The following TYK2 variants were observed in gnomAD, a reference collection of about 807,000 sequenced individuals.
TYK2 encodes tyrosine kinase 2, also known as non-receptor tyrosine-protein kinase TYK2.
Under a neutral mutation model 130.9 loss-of-function variants are expected in TYK2, and 65 were observed. The observed-to-expected ratio is 0.50, with a 90% CI of 0.41 to 0.61. The LOEUF is 0.61. Among genes scored for constraint, TYK2 ranks in the 20% least tolerant of loss-of-function variants. TYK2 has a pLI of 0.00. For missense variants in TYK2, 1,378 were observed against 1,610.7 expected, an observed-to-expected ratio of 0.86 and a Z score of 2.47; for synonymous variants, 647 against 658.9, an observed-to-expected ratio of 0.98 and a Z score of 0.28.
In TYK2 at chr19:10,378,112, G is replaced by A. The variant is rs144937401; in HGVS notation, c.193+102C>T. The A allele has an allele frequency of 1.2e-3, 1,359 of 1,171,512 alleles. 5 individuals carry two copies. Among genetic ancestry groups the A allele is most frequent in the South Asian group, 1.9e-3 (144 of 75,620 alleles). The allele number at this position is 1,171,512 out of a possible 1,614,324, so 72.6% of individuals were successfully genotyped here. ...TGGATGGATGGATGAGTGGGTGGATGGGTGGGTGGATGGGTGGGTGGGTGG... is the reference window on the plus strand; with the variant it reads ...TGGATGGATGGATGAGTGGGTGGATAGGTGGGTGGATGGGTGGGTGGGTGG... On this transcript the variant is annotated intron_variant, in intron 3 of 24. Transcript: ENST00000525621.
intron 6 of TYK2, 55 bp from the exon 7 acceptor site, chr19:10,365,953 G>A: frequency 6.6e-7 from 1 of 1,525,036 alleles, no homozygotes; most frequent in South Asian, 1.3e-5. Context: ...AGGCCCAGCT[G>A]GGTGACACAG....
At position 10,362,541 on chromosome 19, in the gene TYK2, G is replaced by A. The variant is rs764911587; in HGVS notation, c.1476+8C>T. 30 of 1,555,000 alleles carry A rather than the reference G, an allele frequency of 1.9e-5. No homozygotes were observed. Among genetic ancestry groups the A allele is most frequent in the Non-Finnish European group, 2.6e-5 (30 of 1,148,994 alleles). ...AGCCCCAGCCCCAGCCCCCAGCCCT[G>A]GGCTCACCTGGCTACGCTGGGCCAC... On this transcript the variant is annotated splice_region_variant and intron_variant, in intron 10 of 24. Coordinates refer to ENST00000525621, the MANE Select transcript of TYK2 (RefSeq NM_003331.5).
Position 10,351,798 on chromosome 19 carries a change from G to A in TYK2, c.3318+636C>T, listed in dbSNP as rs546575340. 1.2e-3 allele frequency among the ~76,000 whole-genome samples: 187 copies of A among 152,162 alleles called. 2 individuals are homozygous for A. Among genetic ancestry groups the A allele is most frequent in the African/African-American group, 4.4e-3 (184 of 41,542 alleles). On this transcript the variant is annotated intron_variant, in intron 23 of 24. Coordinates refer to ENST00000525621, the MANE Select transcript of TYK2 (RefSeq NM_003331.5). The stretch of plus-strand genomic sequence containing the variant: ...CTTTCACCCAGGCTGGAGTGCAGTG[G>A]CATGATCTCGGCTCACTGCAACCTT...
In TYK2 at chr19:10,351,109, G is replaced by C. The variant is rs775416974; in HGVS notation, c.3372C>G (p.Leu1124=). Residue 1124 remains leucine, a synonymous_variant, in exon 24 of 25, where the codon CTC becomes CTG. Transcript: ENST00000525621. ...IAQGQMTVLR[L]TELLERGERL... The stretch of plus-strand genomic sequence containing the variant: ...TCTCCCCTCGTTCCAGCAACTCAGT[G>C]AGTCTCAGAACTGTCATCTGACCCT... 20 of 1,614,126 alleles carry C rather than the reference G, an allele frequency of 1.2e-5. No homozygotes were observed. The South Asian group carries it at 2.0e-4, about 16-fold the overall frequency.
chr19:10,362,902 C>T (rs1223722334), intron 9 of TYK2, among the ~76,000 whole-genome samples: 5 of 152,094 alleles, frequency 3.3e-5, no homozygotes, highest in Admixed American at 1.3e-4. Flanking sequence ...GATTTTCCCT[C>T]GTCACCCAGG....
rs1414455472 is a variant in TYK2 at position 10,361,072 on chromosome 19, A to T, written c.2047+439T>A. On this transcript the variant is annotated intron_variant, in intron 14 of 24. Coordinates refer to ENST00000525621, the MANE Select transcript of TYK2 (RefSeq NM_003331.5). The surrounding 1 kb of genome is among the most constrained non-coding windows in gnomAD (Gnocchi z 4.0). ...TAGCCTATACAAGGAGTTTTGAGCT[A>T]CCTGCAGAGGAAAGGAAGAGGTGGG... The T allele has an allele frequency of 1.1e-5, 5 of 465,412 alleles. No individual in the cohort carries two copies. The highest frequency in any genetic ancestry group is 6.3e-5 in the South Asian group (4 of 63,710). 28.8% of individuals were successfully genotyped at this position (465,412 alleles called of 1,614,324 possible).
In TYK2 at chr19:10,352,697, T is replaced by TGCTCATTGGCTAGGCC. The variant is rs12720324; in HGVS notation, c.3201-162_3201-147dup. 4 of 723,612 alleles carry TGCTCATTGGCTAGGCC rather than the reference T, an allele frequency of 5.5e-6. No individual in the cohort carries two copies. The African/African-American group carries it at 7.1e-5, about 13-fold the overall frequency. 44.8% of individuals were successfully genotyped at this position (723,612 alleles called of 1,614,324 possible). A position where few individuals can be genotyped will look rare whatever the true frequency, so the allele number is the denominator to read the frequency against. The stretch of plus-strand genomic sequence containing the variant: ...AGAGCGCAGCCTGAGCGGGGTGATA[T>TGCTCATTGGCTAGGCC]GCTCATTGGCTAGGCCGCTCATTGG... On this transcript the variant is annotated intron_variant, in intron 22 of 24. Coordinates refer to ENST00000525621, the MANE Select transcript of TYK2 (RefSeq NM_003331.5).
In TYK2 at chr19:10,353,450, A is replaced by T; in HGVS notation, c.3027+78T>A. On this transcript the variant is annotated intron_variant, in intron 21 of 24. Transcript: ENST00000525621. This position sits in a 1 kb window ranked among gnomAD's most constrained non-coding sequence, Gnocchi z 6.9. ...GAGCAGGGGCGGAGCGTGAGAGCAG[A>T]CTGCACCGGATCGCTCAGGCCAGCC... is the stretch of plus-strand genomic sequence containing the variant. 9.8e-7 allele frequency: 1 copy of T among 1,022,486 alleles called. No individual in the cohort carries two copies. Among genetic ancestry groups the T allele is most frequent in the Non-Finnish European group, 1.4e-6 (1 of 724,240 alleles). 63.3% of individuals were successfully genotyped at this position (1,022,486 alleles called of 1,614,324 possible). A position where few individuals can be genotyped will look rare whatever the true frequency, so the allele number is the denominator to read the frequency against.
At chr19:10,367,919 C>CAAA in intron 5 of TYK2, 136 bp downstream of exon 5, 2 of 880,180 alleles carry the variant, frequency 2.3e-6, no homozygotes, top group Non-Finnish European at 3.4e-6. Context: ...GACTCCGTCT[C>CAAA]AAAAAAAAAA....
At chr19:10,369,781 C>T (rs746687365) in intron 3 of TYK2, 84 of 451,650 alleles carry the variant, frequency 1.9e-4, no homozygotes, top group Middle Eastern at 6.8e-4. Flanking sequence ...CAGTGGCTCA[C>T]GCCTATAATC....
intron 2 of TYK2, 92 bp from the exon 3 acceptor site, chr19:10,378,518 G>A: frequency 9.6e-7 from 1 of 1,044,912 alleles, no homozygotes. Flanking sequence ...TAAGGCCTGA[G>A]GGGAAGATTC....
chr19:10,354,745 G>T, intron 18 of TYK2, 136 bp from the exon 19 acceptor site: 1 of 725,460 alleles, frequency 1.4e-6, no homozygotes, highest in Non-Finnish European at 2.5e-6. Context: ...TGCAACAGCT[G>T]AAAGAGTCCA....
chr19:10,353,161 G>C lies in TYK2; in HGVS notation c.3028-63C>G. 7.2e-7 allele frequency: 1 copy of C among 1,382,028 alleles called. No homozygotes were observed. The highest frequency in any genetic ancestry group is 9.5e-7 in the Non-Finnish European group (1 of 1,049,006). The allele number at this position is 1,382,028 out of a possible 1,614,324, so 85.6% of individuals were successfully genotyped here. On this transcript the variant is annotated intron_variant, in intron 21 of 24. Transcript: ENST00000525621. The surrounding 1 kb of genome is among the most constrained non-coding windows in gnomAD (Gnocchi z 6.9). ...GGGGTTCGGCCGGGGGCGGCGGCAG[G>C]ACCTGAGCAGCCAGGAGGGCTGGGG...
Position 10,364,059 on chromosome 19 carries a change from A to G in TYK2, c.1367+555T>C, listed in dbSNP as rs949815902. On this transcript the variant is annotated intron_variant, in intron 9 of 24. Coordinates refer to ENST00000525621, the MANE Select transcript of TYK2 (RefSeq NM_003331.5). This position sits in a 1 kb window ranked among gnomAD's most constrained non-coding sequence, Gnocchi z 4.9. ...ACGCCCTCAGGCCCACAAGTCACAC[A>G]CAGGACCCCGCTGAGATGGTGACTC... is the stretch of plus-strand genomic sequence containing the variant. Among the ~76,000 whole-genome samples the G allele has an allele frequency of 6.6e-6, 1 of 152,250 alleles. No individual in the cohort carries two copies. The highest frequency in any genetic ancestry group is 2.4e-5 in the African/African-American group (1 of 41,470).
intron 5 of TYK2, 149 bp from the exon 6 acceptor site, chr19:10,366,729 G>T: frequency 1.8e-6 from 1 of 544,028 alleles, no homozygotes; most frequent in Non-Finnish European, 3.1e-6. Flanking sequence ...GATAGCTGAT[G>T]AGCTAAAAAA....
intron 3 of TYK2, among the ~76,000 whole-genome samples, chr19:10,377,555 G>C (rs201878070): frequency 1.4e-4 from 18 of 125,186 alleles, no homozygotes; most frequent in African/African-American, 2.4e-4. Flanking sequence ...TGGGTGGGTG[G>C]GTGGATGGAT....
At chr19:10,359,602 T>G (rs2145198547) in intron 14 of TYK2, among the ~76,000 whole-genome samples, 1 of 152,150 alleles carries the variant, frequency 6.6e-6, no homozygotes, top group South Asian at 2.1e-4. Context: ...TCCCAGCACT[T>G]TGGGAGGCTG....
chr19:10,378,804 G>A (rs12720341), intron 2 of TYK2, among the ~76,000 whole-genome samples: 8,670 of 151,924 alleles, frequency 0.057, 303 homozygotes, highest in Non-Finnish European at 0.08. Context: ...CATATAGCAA[G>A]ACCCTGTTTC....
chr19:10,354,768 AATG>A (rs1474432133), intron 18 of TYK2, among the ~76,000 whole-genome samples, 159 bp from the exon 19 acceptor site: 1 of 152,062 alleles, frequency 6.6e-6, no homozygotes, highest in Non-Finnish European at 1.5e-5. Flanking sequence ...TATTGTACAA[AATG>A]ATGCAGAGTT....
Sources: allele counts gnomAD v4.1 joint callset (sites outside exome capture counted in the v4.1 genomes callset), GRCh38; gene constraint gnomAD v4.1.1; non-coding constraint Gnocchi (gnomAD v3.1); transcripts MANE v1.5; gene names NCBI Gene and HGNC (gene_info 2026-07-23, HGNC 2026-07-21).